CNTN4: variants seen among roughly 807,000 people sequenced by gnomAD.
CNTN4 encodes contactin 4, also known as contactin-4.
CNTN4 carries 77 observed loss-of-function variants against 122.5 expected under a neutral mutation model. The ratio of observed to expected loss-of-function variants is 0.63; its 90% CI spans 0.52 to 0.76. The LOEUF is 0.76. Ranked by LOEUF, CNTN4 falls within the 30% of genes least tolerant of loss-of-function variation. The pLI, the probability that CNTN4 is intolerant of heterozygous loss-of-function variation, is 0.00. For synonymous variants in CNTN4, 512 were observed against 447.0 expected (o/e 1.15, Z -1.83); for missense variants, 1,256 against 1,259.1 (o/e 1.00, Z 0.04).
intron 5 of CNTN4, among the ~76,000 whole-genome samples, chr3:2,736,823 C>T (rs903641806): frequency 1.3e-5 from 2 of 151,242 alleles, no homozygotes; most frequent in Admixed American, 6.6e-5. Flanking sequence ...GACGGAGTCT[C>T]GCTCTGTCAG....
At chr3:2,667,088 T>A (rs2084213708) in intron 4 of CNTN4, among the ~76,000 whole-genome samples, 1 of 152,164 alleles carries the variant, frequency 6.6e-6, no homozygotes, top group African/African-American at 2.4e-5. Flanking sequence ...TGGTTTATAA[T>A]CCTTGGGGTA....
At chr3:3,025,579 A>G (rs1475381190) in intron 14 of CNTN4, among the ~76,000 whole-genome samples, 10 of 152,148 alleles carry the variant, frequency 6.6e-5, no homozygotes, top group Admixed American at 2.0e-4. Context: ...ATGAAAATAG[A>G]TGTTTTATCT....
chr3:2,710,296 A>G (rs1048557975), intron 4 of CNTN4, among the ~76,000 whole-genome samples: 7 of 152,268 alleles, frequency 4.6e-5, no homozygotes, highest in African/African-American at 1.7e-4. Flanking sequence ...CAGGTTGCCT[A>G]TCTTGGCCAA....
At chr3:2,292,276 C>G (rs542606050) in intron 2 of CNTN4, among the ~76,000 whole-genome samples, 2 of 152,204 alleles carry the variant, frequency 1.3e-5, no homozygotes, top group African/African-American at 4.8e-5. Context: ...ATGAACTTCA[C>G]AAGGGCATTG....
At chr3:2,237,832 A>G (rs1265809824) in intron 2 of CNTN4, among the ~76,000 whole-genome samples, 1 of 152,180 alleles carries the variant, frequency 6.6e-6, no homozygotes, top group Non-Finnish European at 1.5e-5. Flanking sequence ...TATGAAGATT[A>G]AATAATTAAT....
At chr3:2,471,354 A>G (rs996448010) in intron 3 of CNTN4, among the ~76,000 whole-genome samples, 6 of 152,196 alleles carry the variant, frequency 3.9e-5, no homozygotes, top group Non-Finnish European at 8.8e-5. Flanking sequence ...ATGTATTTGG[A>G]AAAAAATAAG....
At chr3:2,770,064 C>G in intron 6 of CNTN4, among the ~76,000 whole-genome samples, 1 of 148,774 alleles carries the variant, frequency 6.7e-6, no homozygotes, top group East Asian at 2.0e-4. Context: ...AAGTGTCACT[C>G]TCTTGCCCAA....
intron 3 of CNTN4, among the ~76,000 whole-genome samples, chr3:2,365,311 A>C (rs191633561): frequency 1.3e-3 from 193 of 152,306 alleles, no homozygotes; most frequent in Non-Finnish European, 2.4e-3. Flanking sequence ...TCATGTGGGC[A>C]AAAGTCAGCC....
At chr3:2,590,151 C>G (rs779101452) in intron 4 of CNTN4, among the ~76,000 whole-genome samples, 12 of 152,204 alleles carry the variant, frequency 7.9e-5, no homozygotes, top group Non-Finnish European at 1.8e-4. Flanking sequence ...TTGGTCTTCC[C>G]TCATCTTCAC....
At position 3,042,921 on chromosome 3, in the gene CNTN4, A is replaced by T. The variant is rs554593681; in HGVS notation, c.2512-56A>T. The T allele has an allele frequency of 1.6e-5, 23 of 1,406,960 alleles. No homozygotes were observed. In the African/African-American group the frequency reaches 3.1e-4, roughly 19 times the overall value. The allele number at this position is 1,406,960 out of a possible 1,614,324, so 87.2% of individuals were successfully genotyped here. On this transcript the variant is annotated intron_variant, in intron 21 of 24. Coordinates refer to ENST00000418658, the MANE Select transcript of CNTN4 (RefSeq NM_175607.3). ...TCTGCGTACAAAATTACCTGATGAC[A>T]TTGCAAATATCCCCATTGGGTATGG...
chr3:2,157,040 G>T (rs2035752541), intron 2 of CNTN4, among the ~76,000 whole-genome samples: 2 of 152,098 alleles, frequency 1.3e-5, no homozygotes, highest in South Asian at 4.2e-4. Context: ...CCGTTTCGTT[G>T]GTTTACCAAA....
At chr3:2,342,914 G>C (rs946584440) in intron 3 of CNTN4, among the ~76,000 whole-genome samples, 8 of 152,186 alleles carry the variant, frequency 5.3e-5, no homozygotes, top group Non-Finnish European at 1.2e-4. Context: ...ATAGTTTCCA[G>C]AAACTAAGGA....
intron 19 of CNTN4, chr3:3,039,489 G>C (rs1178176378): frequency 5.6e-6 from 1 of 178,010 alleles, no homozygotes; most frequent in Non-Finnish European, 1.2e-5. Flanking sequence ...GAGAAGAGGT[G>C]GGAGCTTTAG....
At chr3:2,140,336 C>T (rs1026896558) in intron 2 of CNTN4, among the ~76,000 whole-genome samples, 1 of 152,150 alleles carries the variant, frequency 6.6e-6, no homozygotes, top group African/African-American at 2.4e-5. Flanking sequence ...AAGATAAGTG[C>T]CTCTGTTGCC....
chr3:2,244,081 T>C (rs144569817), intron 2 of CNTN4, among the ~76,000 whole-genome samples: 133 of 152,190 alleles, frequency 8.7e-4, no homozygotes, highest in Non-Finnish European at 1.5e-3. Flanking sequence ...CTGCAGATGG[T>C]ACTGAACCCT....
At chr3:2,612,430 A>C (rs928724778) in intron 4 of CNTN4, among the ~76,000 whole-genome samples, 1 of 152,078 alleles carries the variant, frequency 6.6e-6, no homozygotes, top group African/African-American at 2.4e-5. Flanking sequence ...TTGAAGTACA[A>C]TTTTTACTGA....
intron 23 of CNTN4, among the ~76,000 whole-genome samples, chr3:3,048,911 C>T (rs994520053): frequency 1.3e-5 from 2 of 152,084 alleles, no homozygotes; most frequent in Non-Finnish European, 2.9e-5. Flanking sequence ...AACACAAATC[C>T]TTAAGCTACT....
chr3:2,103,261 A>G (rs2032142948), intron 2 of CNTN4, among the ~76,000 whole-genome samples: 1 of 152,104 alleles, frequency 6.6e-6, no homozygotes. Flanking sequence ...TATATATAAA[A>G]AAGTTGCCAA....
At chr3:3,028,921 A>T (rs1698948991) in intron 15 of CNTN4, among the ~76,000 whole-genome samples, 1 of 152,162 alleles carries the variant, frequency 6.6e-6, no homozygotes, top group Non-Finnish European at 1.5e-5. Flanking sequence ...TAACCCACAT[A>T]TATGGAAGAC....
Sources: allele counts gnomAD v4.1 joint callset (sites outside exome capture counted in the v4.1 genomes callset), GRCh38; gene constraint gnomAD v4.1.1; transcripts MANE v1.5; gene names NCBI Gene and HGNC (gene_info 2026-07-23, HGNC 2026-07-21).